Variants in ARHGAP28 observed in about 807,000 individuals in gnomAD.
The protein encoded by ARHGAP28 is rho GTPase-activating protein 28.
In ARHGAP28, 56 loss-of-function variants were observed where a neutral mutation model predicts 90.7. That is an observed-to-expected ratio of 0.62 (90% CI 0.50 to 0.77). The LOEUF (loss-of-function observed/expected upper bound fraction) is 0.77, where lower values mean the gene tolerates loss of function less well. Among genes scored for constraint, ARHGAP28 ranks in the 30% least tolerant of loss-of-function variants. The pLI is 0.00. For missense variants in ARHGAP28, 869 were observed against 900.9 expected (o/e 0.96, Z 0.45); for synonymous variants, 308 against 323.3 (o/e 0.95, Z 0.51).
intron 1 of ARHGAP28, among the ~76,000 whole-genome samples, chr18:6,758,311 A>T (rs2056129293): frequency 6.6e-6 from 1 of 151,764 alleles, no homozygotes; most frequent in South Asian, 2.1e-4. Context: ...TAGGGCAGAG[A>T]TTCTGCTCTG....
chr18:6,840,673 T>C (rs1323877665), intron 3 of ARHGAP28, among the ~76,000 whole-genome samples: 2 of 152,122 alleles, frequency 1.3e-5, no homozygotes, highest in Non-Finnish European at 2.9e-5. Context: ...TTCCTCTCTT[T>C]CCTCCCAGTC....
At chr18:6,806,237 T>A (rs1423773680) in intron 1 of ARHGAP28, among the ~76,000 whole-genome samples, 1 of 152,156 alleles carries the variant, frequency 6.6e-6, no homozygotes, top group Non-Finnish European at 1.5e-5. Flanking sequence ...TTTTGGCTTC[T>A]TTTGGTTTAA....
chr18:6,902,508 A>G (rs1370897517), intron 16 of ARHGAP28, among the ~76,000 whole-genome samples: 1 of 152,194 alleles, frequency 6.6e-6, no homozygotes, highest in African/African-American at 2.4e-5. Flanking sequence ...TAGTTATGCT[A>G]GAATATCAGG....
chr18:6,870,825 A>G lies in ARHGAP28; in HGVS notation c.954+93A>G, dbSNP rs922444645. 7.5e-6 allele frequency: 10 copies of G among 1,331,692 alleles called. No individual in the cohort carries two copies. The East Asian group carries it at 1.2e-4, about 16-fold the overall frequency. The allele number at this position is 1,331,692 out of a possible 1,614,324, so 82.5% of individuals were successfully genotyped here. On this transcript the variant is annotated intron_variant, in intron 7 of 17. Transcript: ENST00000383472. ...TTTTTCTTTTTTTTTTTTGAGACGG[A>G]GTCTCGCTCTATTGCCCCAGGCTGG... is the stretch of plus-strand genomic sequence containing the variant.
At chr18:6,799,626 T>C (rs553247060) in intron 1 of ARHGAP28, among the ~76,000 whole-genome samples, 6 of 152,252 alleles carry the variant, frequency 3.9e-5, no homozygotes, top group African/African-American at 1.4e-4. Flanking sequence ...AAACAAGCAA[T>C]GAGGAAAGGA....
intron 16 of ARHGAP28, chr18:6,898,178 A>G (rs965012144): frequency 1.8e-5 from 5 of 282,712 alleles, no homozygotes; most frequent in Non-Finnish European, 3.2e-5. Flanking sequence ...CAGGAGAAAA[A>G]CTTGAGAGAT....
chr18:6,867,380 G>T (rs1300772437), intron 5 of ARHGAP28, among the ~76,000 whole-genome samples: 1 of 152,154 alleles, frequency 6.6e-6, no homozygotes, highest in Non-Finnish European at 1.5e-5. Context: ...TGATGGAGTA[G>T]CAGATTTCAC....
chr18:6,797,050 A>G (rs2056446748), intron 1 of ARHGAP28, among the ~76,000 whole-genome samples: 2 of 152,206 alleles, frequency 1.3e-5, no homozygotes, highest in African/African-American at 2.4e-5. Context: ...ATGACCAACA[A>G]ATATTTATTG....
chr18:6,806,025 C>T (rs1406977787), intron 1 of ARHGAP28, among the ~76,000 whole-genome samples: 1 of 152,004 alleles, frequency 6.6e-6, no homozygotes, highest in Non-Finnish European at 1.5e-5. Context: ...GCTGGGACTA[C>T]AGGCACACGC....
rs1331465772 is a variant in ARHGAP28 at position 6,729,904 on chromosome 18, G to A, written c.83G>A (p.Arg28His). The change falls in exon 1 of 18, where the codon CGC (arginine) becomes CAC (histidine). Residue 28 changes from arginine (R) to histidine (H), a missense_variant. Coordinates refer to ENST00000383472, the MANE Select transcript of ARHGAP28 (RefSeq NM_001366230.1). ...ARAQPPNAES[R>H]CAPRAAASHP... Reference sequence around the variant, plus strand: ...GCCCAGCCCCCCAACGCCGAGTCGCGCTGCGCGCCCCGCGCCGCAGCCAGC... The same window carrying A: ...GCCCAGCCCCCCAACGCCGAGTCGCACTGCGCGCCCCGCGCCGCAGCCAGC... 4 of 1,419,418 alleles carry A rather than the reference G, an allele frequency of 2.8e-6. No homozygotes were observed. The Admixed American group carries it at 1.1e-4, about 39-fold the overall frequency. The allele number at this position is 1,419,418 out of a possible 1,614,324, so 87.9% of individuals were successfully genotyped here.
chr18:6,852,126 A>G (rs1003719750), intron 4 of ARHGAP28, among the ~76,000 whole-genome samples: 3 of 152,232 alleles, frequency 2.0e-5, no homozygotes, highest in Non-Finnish European at 4.4e-5. Flanking sequence ...TTAATAGACA[A>G]CATATTTATT....
chr18:6,850,876 G>A (rs1179919730), intron 3 of ARHGAP28, 158 bp from the exon 4 acceptor site: 1 of 1,524,850 alleles, frequency 6.6e-7, no homozygotes, highest in Non-Finnish European at 8.7e-7. Context: ...TGAATGAATT[G>A]GTAAGTGCTG....
At chr18:6,738,197 A>G (rs924719897) in intron 1 of ARHGAP28, among the ~76,000 whole-genome samples, 1 of 152,198 alleles carries the variant, frequency 6.6e-6, no homozygotes. Flanking sequence ...TATTTTAGCA[A>G]TTATAAGTTT....
chr18:6,740,868 A>G (rs888958618), intron 1 of ARHGAP28, among the ~76,000 whole-genome samples: 1 of 152,112 alleles, frequency 6.6e-6, no homozygotes, highest in Non-Finnish European at 1.5e-5. Flanking sequence ...GGAATTACCA[A>G]CCTGTCGATC....
intron 4 of ARHGAP28, among the ~76,000 whole-genome samples, chr18:6,857,694 G>C (rs371008723): frequency 7.4e-4 from 112 of 152,258 alleles, no homozygotes; most frequent in Middle Eastern, 6.8e-3. Context: ...TTCACCCTAC[G>C]CCTTCACCTA....
intron 1 of ARHGAP28, among the ~76,000 whole-genome samples, chr18:6,741,618 C>T (rs1487773472): frequency 1.3e-5 from 2 of 152,044 alleles, no homozygotes; most frequent in African/African-American, 2.4e-5. Context: ...AAAAAGTTCT[C>T]ATTGTGGGAG....
In ARHGAP28 at chr18:6,827,347, C is replaced by T. The variant is rs1393428795; in HGVS notation, c.325+2383C>T. Among the ~76,000 whole-genome samples, 5 of 147,910 alleles carry T rather than the reference C, an allele frequency of 3.4e-5. No individual in the cohort carries two copies. The East Asian group carries it at 6.2e-4, about 18-fold the overall frequency. ...CCCTCCACCTCCCTCCCGGACGGGG[C>T]GGCTGGCTGGGCGGAGGGTTGACCC... On this transcript the variant is annotated intron_variant, in intron 2 of 17. Transcript: ENST00000383472.
At position 6,868,149 on chromosome 18, in the gene ARHGAP28, G is replaced by T; in HGVS notation, c.727-1G>T. On this transcript the variant is annotated splice_acceptor_variant, in intron 5 of 17. Transcript: ENST00000383472. LOFTEE classifies it high-confidence loss of function. Reference sequence around the variant, plus strand: ...TGTGTTCATCTTCCTTTGCTTGGCAGGCTATACTTGAGACCATTCCAGTTC... The same window carrying T: ...TGTGTTCATCTTCCTTTGCTTGGCATGCTATACTTGAGACCATTCCAGTTC... The T allele has an allele frequency of 1.2e-6, 2 of 1,613,364 alleles. No individual in the cohort carries two copies. Among genetic ancestry groups the T allele is most frequent in the East Asian group, 2.2e-5 (1 of 44,872 alleles).
chr18:6,757,936 T>A lies in ARHGAP28; in HGVS notation c.122+27993T>A, dbSNP rs2056125365. Among the ~76,000 whole-genome samples the A allele has an allele frequency of 4.6e-5, 7 of 152,282 alleles. No individual in the cohort carries two copies. In the South Asian group the frequency reaches 1.5e-3, roughly 32 times the overall value. Reference sequence around the variant, plus strand: ...CTCTGCCCTTAGATTATCTGCCCAGTCAAAAGACAGCATGGTTTCCCTGAG... The same window carrying A: ...CTCTGCCCTTAGATTATCTGCCCAGACAAAAGACAGCATGGTTTCCCTGAG... On this transcript the variant is annotated intron_variant, in intron 1 of 17. Coordinates refer to ENST00000383472, the MANE Select transcript of ARHGAP28 (RefSeq NM_001366230.1).
Sources: gnomAD v4.1 joint callset for allele counts (sites outside exome capture counted in the v4.1 genomes callset) on GRCh38, gnomAD v4.1.1 for gene constraint, MANE v1.5 for transcripts, NCBI Gene and HGNC (gene_info 2026-07-23, HGNC 2026-07-21) for gene names.